The following INTS1 variants were observed in gnomAD, a reference collection of about 807,000 sequenced individuals.
The protein encoded by INTS1 is integrator complex subunit 1.
Under a neutral mutation model 241.6 loss-of-function variants are expected in INTS1, and 137 were observed. The ratio of observed to expected loss-of-function variants is 0.57; its 90% CI spans 0.49 to 0.65. The LOEUF (loss-of-function observed/expected upper bound fraction) is 0.65. INTS1 is among the 30% of genes least tolerant of loss of function. The probability of loss-of-function intolerance (pLI) is 0.00; values close to 1 mark genes in which losing one functional copy is unlikely to be tolerated. For synonymous variants in INTS1, 1,692 were observed against 1,337.8 expected (o/e 1.26, Z -5.78); for missense variants, 3,073 against 3,032.2 (o/e 1.01, Z -0.32).
At chr7:1,476,493 G>GGATGGGCCACCC (rs1781726081) in intron 37 of INTS1, 38 bp from the exon 38 acceptor site, 6 of 1,190,136 alleles carry the variant, frequency 5.0e-6, no homozygotes, top group East Asian at 2.6e-5. Context: ...GAGCACCACC[G>GGATGGGCCACCC]CCTCTCCCGG....
Position 1,484,145 on chromosome 7 carries a change from C to T in INTS1, c.3287G>A (p.Arg1096His), listed in dbSNP as rs767739805. 1.6e-5 allele frequency: 26 copies of T among 1,611,240 alleles called. No homozygotes were observed. Among genetic ancestry groups the T allele is most frequent in the East Asian group, 4.5e-5 (2 of 44,876 alleles). ...GAAGAGGTGGGACATGATGGTGGAG[C>T]GCTCCACGACCAGCCGGGCCACGTC... is the stretch of plus-strand genomic sequence containing the variant. ...ALDVARLVVE[R>H]STIMSHLFSK... Residue 1096 changes from arginine to histidine, a missense_variant, in exon 25 of 48, where the codon CGC (arginine) becomes CAC (histidine). Physicochemically the swap from Arg to His is conservative, Grantham distance 29. Transcript: ENST00000404767.
At position 1,500,381 on chromosome 7, in the gene INTS1, C is replaced by T. The variant is rs763578017; in HGVS notation, c.350-15G>A. 1.0e-4 allele frequency: 159 copies of T among 1,546,882 alleles called. No individual in the cohort carries two copies. Among genetic ancestry groups the T allele is most frequent in the East Asian group, 2.3e-4 (10 of 42,838 alleles). ...CGTGGGCAGCACTGGCCGGGGCAGG[C>T]GGTACGGTCAGAACGGGGCCAGGGC... On this transcript the variant is annotated splice_polypyrimidine_tract_variant and intron_variant, in intron 3 of 47. Coordinates refer to ENST00000404767, the MANE Select transcript of INTS1 (RefSeq NM_001080453.3).
In INTS1 at chr7:1,473,705, A is replaced by C. The variant is rs1341332760; in HGVS notation, c.5830-12T>G. Reference sequence around the variant, plus strand: ...GACTTCCTGTAATTCTGCAAAGCAAAAGCGGCACCCTCGAGCTGCTCTGCC... The same window carrying C: ...GACTTCCTGTAATTCTGCAAAGCAACAGCGGCACCCTCGAGCTGCTCTGCC... On this transcript the variant is annotated splice_polypyrimidine_tract_variant and intron_variant, in intron 41 of 47. Transcript: ENST00000404767. The C allele has an allele frequency of 6.2e-7, 1 of 1,612,512 alleles. No individual in the cohort carries two copies. The highest frequency in any genetic ancestry group is 8.5e-7 in the Non-Finnish European group (1 of 1,179,646).
intron 39 of INTS1, among the ~76,000 whole-genome samples, chr7:1,475,393 C>T (rs1781665083): frequency 6.6e-6 from 1 of 152,000 alleles, no homozygotes; most frequent in African/African-American, 2.4e-5. Flanking sequence ...AAACCCTCCA[C>T]AAAACTGCAC....
In INTS1 at chr7:1,481,657, G is replaced by A. The variant is rs1007337354; in HGVS notation, c.3704-169C>T. On this transcript the variant is annotated intron_variant, in intron 27 of 47. Coordinates refer to ENST00000404767, the MANE Select transcript of INTS1 (RefSeq NM_001080453.3). This position sits in a 1 kb window ranked among gnomAD's most constrained non-coding sequence, Gnocchi z 6.8. ...GACCTGGGGCAGTGCACACTCGGCA[G>A]CCCCACCTGAGACCCTGGGCCACGT... is the stretch of plus-strand genomic sequence containing the variant. Among the ~76,000 whole-genome samples, 4 of 142,432 alleles carry A rather than the reference G, an allele frequency of 2.8e-5. No individual in the cohort carries two copies. Among genetic ancestry groups the A allele is most frequent in the Admixed American group, 2.1e-4 (3 of 14,206 alleles). The allele number at this position is 142,432 out of a possible 152,430, so 93.4% of individuals were successfully genotyped here.
chr7:1,498,335 C>T, intron 10 of INTS1, 77 bp downstream of exon 10: 2 of 1,569,822 alleles, frequency 1.3e-6, no homozygotes, highest in South Asian at 1.2e-5. Context: ...CACCGGCCTC[C>T]CCAGACGCCA....
At position 1,484,147 on chromosome 7, in the gene INTS1, C is replaced by G; in HGVS notation, c.3285G>C (p.Glu1095Asp). ...LALDVARLVV[E>D]RSTIMSHLFS... ...AGAGGTGGGACATGATGGTGGAGCG[C>G]TCCACGACCAGCCGGGCCACGTCCT... The change falls in exon 25 of 48, where the codon GAG (glutamate) becomes GAC (aspartate). Residue 1095 changes from glutamate (E) to aspartate (D), a missense_variant. Physicochemically the swap from Glu to Asp is conservative, Grantham distance 45. Coordinates refer to ENST00000404767, the MANE Select transcript of INTS1 (RefSeq NM_001080453.3). 1 of 1,611,412 alleles carries G rather than the reference C, an allele frequency of 6.2e-7. No homozygotes were observed. The highest frequency in any genetic ancestry group is 8.5e-7 in the Non-Finnish European group (1 of 1,179,488).
rs913815381 is a variant in INTS1, at chr7:1,480,425, G to C, written c.3966C>G (p.Pro1322=). The C allele has an allele frequency of 1.7e-5, 27 of 1,613,420 alleles. No individual in the cohort carries two copies. The highest frequency in any genetic ancestry group is 2.3e-5 in the Non-Finnish European group (27 of 1,179,678). Residue 1322 remains proline, a synonymous_variant, in exon 30 of 48, where the codon CCC becomes CCG. Coordinates refer to ENST00000404767, the MANE Select transcript of INTS1 (RefSeq NM_001080453.3). ...LPPRRDSTEA[P]KPKSSPEQPI... ...GCTGCTCTGGGCTGCTCTTTGGTTTGGGTGCCTCTGTGCTGTCTGCAGAGA... is the reference window on the plus strand; with the variant it reads ...GCTGCTCTGGGCTGCTCTTTGGTTTCGGTGCCTCTGTGCTGTCTGCAGAGA...
Position 1,503,203 on chromosome 7 carries a change from GGA to G in INTS1, c.59-14_59-13del. ...TGGGGGAGGGTGCCCTGCAGAGAAA[GGA>G]GAGAGAAAACCGGGCACATTTGCAA... is the stretch of plus-strand genomic sequence containing the variant. On this transcript the variant is annotated splice_polypyrimidine_tract_variant and intron_variant, in intron 2 of 47. Coordinates refer to ENST00000404767, the MANE Select transcript of INTS1 (RefSeq NM_001080453.3). The G allele has an allele frequency of 1.3e-6, 2 of 1,520,016 alleles. No individual in the cohort carries two copies. Among genetic ancestry groups the G allele is most frequent in the Non-Finnish European group, 1.8e-6 (2 of 1,135,142 alleles). 94.2% of individuals were successfully genotyped at this position (1,520,016 alleles called of 1,614,324 possible). A position where few individuals can be genotyped will look rare whatever the true frequency, so the allele number is the denominator to read the frequency against.
chr7:1,482,227 C>G, intron 27 of INTS1: 1 of 246,316 alleles, frequency 4.1e-6, no homozygotes, highest in Admixed American at 5.5e-5. Context: ...CACCCAGAGG[C>G]CCCACCACTT....
At position 1,498,817 on chromosome 7, in the gene INTS1, G is replaced by T; in HGVS notation, c.1173C>A (p.Val391=). 1 of 1,606,182 alleles carries T rather than the reference G, an allele frequency of 6.2e-7. No homozygotes were observed. ...TRPAQDLLMS[V]CMNCNTHGSE... is the part of the protein sequence containing the mutation. ...AACCGTGCGTGTTGCAGTTCATGCAGACGGACATCAGCAGGTCCTGGGCCG... is the reference window on the plus strand; with the variant it reads ...AACCGTGCGTGTTGCAGTTCATGCATACGGACATCAGCAGGTCCTGGGCCG... Residue 391 remains valine (V), a synonymous_variant, in exon 9 of 48, where the codon GTC becomes GTA. Coordinates refer to ENST00000404767, the MANE Select transcript of INTS1 (RefSeq NM_001080453.3).
intron 23 of INTS1, 39 bp from the exon 24 acceptor site, chr7:1,485,241 C>A (rs1162469329): frequency 1.9e-6 from 3 of 1,597,002 alleles, no homozygotes; most frequent in African/African-American, 2.7e-5. Context: ...CAGGGCAGGG[C>A]TGCGGCCCTC....
rs1782697705 is a variant in INTS1 at position 1,493,630 on chromosome 7, G to C, written c.2068+124C>G. The C allele has an allele frequency of 6.1e-6, 8 of 1,301,362 alleles. No individual in the cohort carries two copies. The South Asian group carries it at 1.3e-4, about 21-fold the overall frequency. The allele number at this position is 1,301,362 out of a possible 1,614,324, so 80.6% of individuals were successfully genotyped here. A position where few individuals can be genotyped will look rare whatever the true frequency, so the allele number is the denominator to read the frequency against. On this transcript the variant is annotated intron_variant, in intron 15 of 47. Transcript: ENST00000404767. This position sits in a 1 kb window ranked among gnomAD's most constrained non-coding sequence, Gnocchi z 5.3. ...AAGGCAGGTCCCCGAGCCTCCCGGG[G>C]ACCCAGGACCCAGCTGAAGCGCAGC...
At position 1,500,199 on chromosome 7, in the gene INTS1, T is replaced by C. The variant is rs1783095445; in HGVS notation, c.517A>G (p.Asn173Asp). The change falls in exon 4 of 48, where the codon AAC becomes GAC. Residue 173 changes from asparagine to aspartate, a missense_variant. Physicochemically the swap from Asn to Asp is conservative, Grantham distance 23. Transcript: ENST00000404767. Reference sequence around the variant, plus strand: ...ATGACGCCCTCAGTGGCGAAGATGTTGGGCTTGATCTTGGCCAGGTACATG... The same window carrying C: ...ATGACGCCCTCAGTGGCGAAGATGTCGGGCTTGATCTTGGCCAGGTACATG... ...SLMYLAKIKPNIFATEGVIEA... is the reference protein window; with the variant it reads ...SLMYLAKIKPDIFATEGVIEA... 1.9e-6 allele frequency: 3 copies of C among 1,599,338 alleles called. No individual in the cohort carries two copies. Among genetic ancestry groups the C allele is most frequent in the African/African-American group, 2.7e-5 (2 of 74,688 alleles).
chr7:1,499,528 G>A lies in INTS1; in HGVS notation c.789C>T (p.Pro263=), dbSNP rs772187938. The A allele has an allele frequency of 3.1e-6, 5 of 1,612,640 alleles. No homozygotes were observed. The highest frequency in any genetic ancestry group is 1.7e-6 in the Non-Finnish European group (2 of 1,179,390). The change falls in exon 6 of 48, where the codon CCC becomes CCT. Residue 263 remains proline, a synonymous_variant. Coordinates refer to ENST00000404767, the MANE Select transcript of INTS1 (RefSeq NM_001080453.3). Reference sequence around the variant, plus strand: ...CCTCCCCCTGCAGCAGCACGCTCCTGGGGGGCATTCTGGTGTTGAAGGCCG... The same window carrying A: ...CCTCCCCCTGCAGCAGCACGCTCCTAGGGGGCATTCTGGTGTTGAAGGCCG... ...IQTAFNTRMP[P]RSVLLQGEAG... is the part of the protein sequence containing the mutation.
chr7:1,471,079 T>A (rs1781443463), intron 46 of INTS1, 54 bp downstream of exon 46: 4 of 1,530,978 alleles, frequency 2.6e-6, no homozygotes, highest in Non-Finnish European at 3.5e-6. Context: ...AGCGGTGACC[T>A]GGGTTAGCAG....
Position 1,475,965 on chromosome 7 carries a change from T to C in INTS1, c.5485A>G (p.Ser1829Gly). 6.5e-7 allele frequency: 1 copy of C among 1,541,884 alleles called. No individual in the cohort carries two copies. Among genetic ancestry groups the C allele is most frequent in the South Asian group, 1.2e-5 (1 of 84,006 alleles). The change falls in exon 39 of 48, where the codon AGC (serine) becomes GGC (glycine). Residue 1829 changes from serine to glycine, a missense_variant. Coordinates refer to ENST00000404767, the MANE Select transcript of INTS1 (RefSeq NM_001080453.3). ...GCCCTCACCTTGCAGACGCTGCTGC[T>C]GGCAGCCCCTTCGCTGTGCAGTAGG... ...EVLLHSEGAA[S>G]SSVCKLDGLI...
rs1423458855 is a variant in INTS1, at chr7:1,483,865, G to C, written c.3430-12C>G. The C allele has an allele frequency of 6.2e-7, 1 of 1,604,876 alleles. No homozygotes were observed. Among genetic ancestry groups the C allele is most frequent in the Admixed American group, 1.7e-5 (1 of 59,874 alleles). The stretch of plus-strand genomic sequence containing the variant: ...TCCTGAGACTCCGACTGTGGGAAAA[G>C]AGGTGGAGTCAGGCCGTAAGGTTCA... On this transcript the variant is annotated splice_polypyrimidine_tract_variant and intron_variant, in intron 25 of 47. Coordinates refer to ENST00000404767, the MANE Select transcript of INTS1 (RefSeq NM_001080453.3).
chr7:1,476,340 C>T lies in INTS1; in HGVS notation c.5267G>A (p.Ser1756Asn). The T allele has an allele frequency of 1.3e-6, 2 of 1,579,464 alleles. No individual in the cohort carries two copies. Among genetic ancestry groups the T allele is most frequent in the Non-Finnish European group, 1.7e-6 (2 of 1,165,362 alleles). The change falls in exon 38 of 48, where the codon AGC becomes AAC. Residue 1756 changes from serine (S) to asparagine (N), a missense_variant. By Grantham distance (46) the Ser-to-Asn change is conservative (BLOSUM62 1). Transcript: ENST00000404767. ...CAGGGGCAGCCGGGCCTGGATGAGG[C>T]TGCAGGCGGCTGTGTCCCCGTCCTG... ...RSQDGDTAACSLIQARLPLLL... is the reference protein window; with the variant it reads ...RSQDGDTAACNLIQARLPLLL...
Sources: gnomAD v4.1 joint callset for allele counts (sites outside exome capture counted in the v4.1 genomes callset) on GRCh38, gnomAD v4.1.1 for gene constraint, Gnocchi (gnomAD v3.1) non-coding constraint, MANE v1.5 for transcripts, NCBI Gene and HGNC (gene_info 2026-07-23, HGNC 2026-07-21) for gene names.